Variants in CLSTN2 observed in about 807,000 individuals in gnomAD.
CLSTN2 encodes the protein calsyntenin-2.
Under a neutral mutation model 101.2 loss-of-function variants are expected in CLSTN2, and 48 were observed. The ratio of observed to expected loss-of-function variants is 0.47; its 90% CI spans 0.38 to 0.60. CLSTN2 has a LOEUF of 0.60. Among genes scored for constraint, CLSTN2 ranks in the 20% least tolerant of loss-of-function variants. The probability of loss-of-function intolerance (pLI) is 0.00; values close to 1 mark genes in which losing one functional copy is unlikely to be tolerated. For synonymous variants in CLSTN2, 481 were observed against 463.6 expected, an observed-to-expected ratio of 1.04 and a Z score of -0.48; for missense variants, 1,160 against 1,238.2, an observed-to-expected ratio of 0.94 and a Z score of 0.95.
At chr3:140,381,426 C>T (rs552296058) in intron 2 of CLSTN2, among the ~76,000 whole-genome samples, 3 of 152,202 alleles carry the variant, frequency 2.0e-5, no homozygotes, top group Non-Finnish European at 4.4e-5. Context: ...ACTCCACCAA[C>T]TCTGTAGCAT....
chr3:140,276,312 C>T (rs1576495574), intron 2 of CLSTN2, among the ~76,000 whole-genome samples: 1 of 152,266 alleles, frequency 6.6e-6, no homozygotes, highest in African/African-American at 2.4e-5. Context: ...CCTGAGAGTC[C>T]ATTTAACTTC....
chr3:140,188,786 T>G (rs2010517378), intron 2 of CLSTN2, among the ~76,000 whole-genome samples: 1 of 152,198 alleles, frequency 6.6e-6, no homozygotes, highest in African/African-American at 2.4e-5. Context: ...TGTGTATACC[T>G]TACTCAGTTT....
intron 2 of CLSTN2, among the ~76,000 whole-genome samples, chr3:140,278,064 G>A (rs114022773): frequency 7.9e-4 from 120 of 152,328 alleles, no homozygotes; most frequent in Non-Finnish European, 1.3e-3. Context: ...CCCCTGAAGT[G>A]TCACAGGCCC....
chr3:140,491,017 G>C (rs1934344107), intron 8 of CLSTN2, among the ~76,000 whole-genome samples: 2 of 152,172 alleles, frequency 1.3e-5, no homozygotes, highest in African/African-American at 4.8e-5. Context: ...TTTTAGCACG[G>C]TGTCAACCCC....
chr3:139,942,767 G>T (rs1935154223), intron 1 of CLSTN2, among the ~76,000 whole-genome samples: 1 of 152,176 alleles, frequency 6.6e-6, no homozygotes, highest in Admixed American at 6.5e-5. Flanking sequence ...GTGTGCAGTT[G>T]ATTGCAATCC....
At chr3:140,004,103 A>G (rs2006907292) in intron 1 of CLSTN2, among the ~76,000 whole-genome samples, 2 of 152,238 alleles carry the variant, frequency 1.3e-5, no homozygotes, top group Admixed American at 6.5e-5. Flanking sequence ...CCTCAATTCA[A>G]TAAAAAATAT....
intron 13 of CLSTN2, among the ~76,000 whole-genome samples, chr3:140,562,559 A>G (rs750606092): frequency 6.8e-4 from 104 of 152,170 alleles, no homozygotes; most frequent in Non-Finnish European, 1.3e-3. Context: ...CTTCTCTTAC[A>G]ATGTTTGATC....
intron 8 of CLSTN2, among the ~76,000 whole-genome samples, chr3:140,509,027 G>C (rs769894243): frequency 6.6e-6 from 1 of 152,172 alleles, no homozygotes; most frequent in Non-Finnish European, 1.5e-5. Context: ...TAGGAAGAAT[G>C]GTGGGGCAAG....
chr3:139,991,291 A>T (rs926028567), intron 1 of CLSTN2, among the ~76,000 whole-genome samples: 1 of 152,244 alleles, frequency 6.6e-6, no homozygotes, highest in Non-Finnish European at 1.5e-5. Context: ...AAAATGCTAG[A>T]TTGTTTTAGG....
At position 139,955,590 on chromosome 3, in the gene CLSTN2, C is replaced by T. The variant is rs149462899; in HGVS notation, c.109+20107C>T. Among the ~76,000 whole-genome samples, 22 of 4,760 alleles carry T rather than the reference C, an allele frequency of 4.6e-3. No homozygotes were observed. The East Asian group carries it at 0.5, about 108-fold the overall frequency. 3.1% of individuals were successfully genotyped at this position (4,760 alleles called of 152,430 possible). On this transcript the variant is annotated intron_variant, in intron 1 of 16. Coordinates refer to ENST00000458420, the MANE Select transcript of CLSTN2 (RefSeq NM_022131.3). ...GGATCATCTGGAGGTGTCTTCGGGC[C>T]GGGCTCATGGGCTGCTATTGGCACT...
intron 1 of CLSTN2, among the ~76,000 whole-genome samples, chr3:140,111,586 G>A (rs984829610): frequency 3.3e-5 from 5 of 152,038 alleles, no homozygotes; most frequent in Admixed American, 1.3e-4. Context: ...TCTTATGTTG[G>A]GTGCAGATCT....
At chr3:140,049,278 GAAATTTAACAGTA>G (rs144364281) in intron 1 of CLSTN2, among the ~76,000 whole-genome samples, 16,329 of 152,202 alleles carry the variant, frequency 0.11, 990 homozygotes, top group East Asian at 0.16. Context: ...AGGAAATCCT[GAAATTTAACAGTA>G]AAATCAAGAA....
intron 2 of CLSTN2, among the ~76,000 whole-genome samples, chr3:140,263,238 A>C (rs1024899862): frequency 6.6e-6 from 1 of 152,170 alleles, no homozygotes; most frequent in African/African-American, 2.4e-5. Context: ...CAACTGTGGA[A>C]ATATTTGGGA....
At position 140,566,056 on chromosome 3, in the gene CLSTN2, C is replaced by G. The variant is rs1257937292; in HGVS notation, c.2671C>G (p.His891Asp). The G allele has an allele frequency of 3.1e-6, 5 of 1,613,842 alleles. No individual in the cohort carries two copies. The highest frequency in any genetic ancestry group is 2.5e-6 in the Non-Finnish European group (3 of 1,179,926). Residue 891 changes from histidine to aspartate, a missense_variant, in exon 17 of 17, where the codon CAT becomes GAT. Physicochemically the swap from His to Asp is moderately conservative, Grantham distance 81 (BLOSUM62 -1). Transcript: ENST00000458420. The part of the protein sequence containing the change: ...LTITVNPMEK[H>D]EGPGHGEDET... ...GCTTTTTCTCCTTGATATCCAGAAA[C>G]ATGAAGGACCAGGGCATGGGGAAGA...
At chr3:140,548,643 G>A (rs1305298087) in intron 10 of CLSTN2, among the ~76,000 whole-genome samples, 3 of 152,132 alleles carry the variant, frequency 2.0e-5, no homozygotes, top group Non-Finnish European at 2.9e-5. Flanking sequence ...GATGAGAGAG[G>A]GCTGAGGAAT....
intron 5 of CLSTN2, among the ~76,000 whole-genome samples, chr3:140,432,272 G>C (rs112406684): frequency 1.6e-3 from 239 of 152,304 alleles, no homozygotes; most frequent in African/African-American, 5.7e-3. Context: ...TAAATGCCTT[G>C]TTATGAGGAC....
intron 2 of CLSTN2, among the ~76,000 whole-genome samples, chr3:140,303,171 A>G (rs937236329): frequency 6.6e-6 from 1 of 152,260 alleles, no homozygotes; most frequent in Non-Finnish European, 1.5e-5. Context: ...GAGCATGAAC[A>G]TCTTTGAGTT....
chr3:140,241,878 T>TACACACACAC (rs1187220904), intron 2 of CLSTN2, among the ~76,000 whole-genome samples: 1 of 138,480 alleles, frequency 7.2e-6, no homozygotes, highest in African/African-American at 2.7e-5. Context: ...CACATATATA[T>TACACACACAC]ATACACACAC....
intron 9 of CLSTN2, among the ~76,000 whole-genome samples, chr3:140,532,720 G>A (rs1481948260): frequency 6.6e-6 from 1 of 152,164 alleles, no homozygotes; most frequent in Non-Finnish European, 1.5e-5. Context: ...GCAGTTTCAT[G>A]GTTGTCTCTG....
Sources: gnomAD v4.1 joint callset for allele counts (sites outside exome capture counted in the v4.1 genomes callset) on GRCh38, gnomAD v4.1.1 for gene constraint, MANE v1.5 for transcripts, NCBI Gene and HGNC (gene_info 2026-07-23, HGNC 2026-07-21) for gene names.